RAB27B: variants seen among roughly 807,000 people sequenced by gnomAD.
RAB27B encodes the protein ras-related protein Rab-27B.
Under a neutral mutation model 24.6 loss-of-function variants are expected in RAB27B, and 15 were observed. The ratio of observed to expected loss-of-function variants is 0.61; its 90% CI spans 0.41 to 0.94. The LOEUF (loss-of-function observed/expected upper bound fraction) is 0.94, where lower values mean the gene tolerates loss of function less well. RAB27B is among the 40% of genes least tolerant of loss of function. The pLI, the probability that RAB27B is intolerant of heterozygous loss-of-function variation, is 0.00. For missense variants in RAB27B, 261 were observed against 266.8 expected, an observed-to-expected ratio of 0.98 and a Z score of 0.15; for synonymous variants, 105 against 92.5, an observed-to-expected ratio of 1.14 and a Z score of -0.78.
chr18:54,840,778 A>G (rs1402225977), intron 1 of RAB27B, among the ~76,000 whole-genome samples: 1 of 152,122 alleles, frequency 6.6e-6, no homozygotes, highest in Non-Finnish European at 1.5e-5. Flanking sequence ...TCATTCACCA[A>G]TACTGTCAAC....
intron 2 of RAB27B, among the ~76,000 whole-genome samples, chr18:54,781,382 A>G (rs1275237630): frequency 1.3e-5 from 2 of 152,008 alleles, no homozygotes; most frequent in East Asian, 1.9e-4. Flanking sequence ...GCCAGCTTTC[A>G]TTCTCGGCAG....
intron 2 of RAB27B, among the ~76,000 whole-genome samples, chr18:54,793,292 T>C (rs1197373882): frequency 6.6e-6 from 1 of 152,212 alleles, no homozygotes; most frequent in African/African-American, 2.4e-5. Context: ...TAAAAATATT[T>C]CAACTCCAGT....
chr18:54,843,032 A>G (rs1020248177), intron 1 of RAB27B, among the ~76,000 whole-genome samples: 1 of 152,090 alleles, frequency 6.6e-6, no homozygotes, highest in Non-Finnish European at 1.5e-5. Context: ...TCCTGACCTC[A>G]TGATCCACCC....
chr18:54,873,685 CTGTGTGTGTGTGTGTGTGTGTGTGTGTG>C (rs56409312), intron 1 of RAB27B, among the ~76,000 whole-genome samples: 1 of 140,760 alleles, frequency 7.1e-6, no homozygotes, highest in Non-Finnish European at 1.5e-5. Context: ...GAGCCAAATC[CTGTGTGTGTGTGTGTGTGTGTGTGTGTG>C]TGTGTGTGTG....
At chr18:54,854,619 T>A (rs1006544156) in intron 1 of RAB27B, among the ~76,000 whole-genome samples, 2 of 152,102 alleles carry the variant, frequency 1.3e-5, no homozygotes, top group Non-Finnish European at 2.9e-5. Context: ...ATAATACAGG[T>A]TCTGAGAACT....
rs1309083472 is a variant in RAB27B at position 54,877,857 on chromosome 18, C to T, written c.153+119C>T. ...TTGTCACACGAAATTCATAACCTGT[C>T]ATTTTAATTTATTTTAGAATATTAT... is the stretch of plus-strand genomic sequence containing the variant. On this transcript the variant is annotated intron_variant, in intron 2 of 5. Coordinates refer to ENST00000262094, the MANE Select transcript of RAB27B (RefSeq NM_004163.4). 8 of 1,049,598 alleles carry T rather than the reference C, an allele frequency of 7.6e-6. No homozygotes were observed. In the East Asian group the frequency reaches 2.4e-4, roughly 32 times the overall value. 65.0% of individuals were successfully genotyped at this position (1,049,598 alleles called of 1,614,324 possible). A position where few individuals can be genotyped will look rare whatever the true frequency, so the allele number is the denominator to read the frequency against.
At chr18:54,759,278 C>G (rs1298257011) in intron 2 of RAB27B, among the ~76,000 whole-genome samples, 1 of 152,122 alleles carries the variant, frequency 6.6e-6, no homozygotes, top group Non-Finnish European at 1.5e-5. Flanking sequence ...ATTTTTCTAC[C>G]TTTTGTATCC....
At chr18:54,788,288 T>C (rs1445581421) in intron 2 of RAB27B, among the ~76,000 whole-genome samples, 2 of 152,138 alleles carry the variant, frequency 1.3e-5, no homozygotes, top group African/African-American at 4.8e-5. Flanking sequence ...CTGATTTGTG[T>C]TTTTTGTTGT....
In RAB27B at chr18:54,890,249, C is replaced by G. The variant is rs1913316676; in HGVS notation, c.*836C>G. 2 of 152,118 alleles carry G rather than the reference C, an allele frequency of 1.3e-5. No homozygotes were observed. Among genetic ancestry groups the G allele is most frequent in the Admixed American group, 1.3e-4 (2 of 15,262 alleles). 9.4% of individuals were successfully genotyped at this position (152,118 alleles called of 1,614,324 possible). A position where few individuals can be genotyped will look rare whatever the true frequency, so the allele number is the denominator to read the frequency against. On this transcript the variant is annotated 3_prime_UTR_variant, in exon 6 of 6. Coordinates refer to ENST00000262094, the MANE Select transcript of RAB27B (RefSeq NM_004163.4). Reference sequence around the variant, plus strand: ...ATATTATCAGTTGGAATTAAGAGAACTCCAGAGGTTTCCATTTCAAACAAA... The same window carrying G: ...ATATTATCAGTTGGAATTAAGAGAAGTCCAGAGGTTTCCATTTCAAACAAA...
chr18:54,889,119 A>G, intron 5 of RAB27B, 105 bp from the exon 6 acceptor site: 1 of 1,100,516 alleles, frequency 9.1e-7, no homozygotes, highest in Non-Finnish European at 1.2e-6. Flanking sequence ...ATCATTTCAC[A>G]ATCTCTCAGC....
intron 2 of RAB27B, among the ~76,000 whole-genome samples, chr18:54,755,344 C>T (rs190790730): frequency 3.9e-5 from 6 of 152,166 alleles, no homozygotes; most frequent in East Asian, 1.9e-4. Context: ...GAGCTGAGAT[C>T]GCACCAGTGC....
intron 2 of RAB27B, among the ~76,000 whole-genome samples, chr18:54,724,204 A>G (rs1250009414): frequency 6.6e-6 from 1 of 151,714 alleles, no homozygotes; most frequent in East Asian, 1.9e-4. Context: ...TAAAAATTTT[A>G]GAAGCATCCA....
intron 1 of RAB27B, among the ~76,000 whole-genome samples, chr18:54,866,403 C>T (rs554171302): frequency 6.6e-6 from 1 of 152,368 alleles, no homozygotes; most frequent in African/African-American, 2.4e-5. Context: ...TCAAGCGACT[C>T]TCCTGCCTCA....
intron 2 of RAB27B, among the ~76,000 whole-genome samples, chr18:54,731,060 C>A (rs1224780341): frequency 6.6e-6 from 1 of 152,004 alleles, no homozygotes; most frequent in African/African-American, 2.4e-5. Flanking sequence ...AAATTCATAT[C>A]ACTAAATAAG....
At chr18:54,822,940 A>G (rs1475785846) in intron 2 of RAB27B, among the ~76,000 whole-genome samples, 1 of 152,224 alleles carries the variant, frequency 6.6e-6, no homozygotes, top group Non-Finnish European at 1.5e-5. Flanking sequence ...ATTAGACAAA[A>G]TTACAATAAT....
intron 1 of RAB27B, among the ~76,000 whole-genome samples, chr18:54,832,213 G>A (rs1472064237): frequency 2.6e-5 from 4 of 152,078 alleles, no homozygotes; most frequent in Non-Finnish European, 2.9e-5. Flanking sequence ...CAGAACAGTG[G>A]CCACCAAGAG....
chr18:54,793,272 T>A (rs534614156), intron 2 of RAB27B, among the ~76,000 whole-genome samples: 1 of 152,244 alleles, frequency 6.6e-6, no homozygotes, highest in African/African-American at 2.4e-5. Context: ...AGAAACAGAA[T>A]TCGTTGGATT....
chr18:54,806,037 T>C (rs2145139246), intron 2 of RAB27B, among the ~76,000 whole-genome samples: 1 of 152,290 alleles, frequency 6.6e-6, no homozygotes, highest in Middle Eastern at 3.4e-3. Context: ...TCATGACCCA[T>C]TGTGAAAATA....
At chr18:54,738,203 T>C (rs1021271600) in intron 2 of RAB27B, among the ~76,000 whole-genome samples, 2 of 152,208 alleles carry the variant, frequency 1.3e-5, no homozygotes, top group Non-Finnish European at 2.9e-5. Context: ...CTGACTGCCT[T>C]TGAATACATT....
Sources: gnomAD v4.1 joint callset for allele counts (sites outside exome capture counted in the v4.1 genomes callset) on GRCh38, gnomAD v4.1.1 for gene constraint, MANE v1.5 for transcripts, NCBI Gene and HGNC (gene_info 2026-07-23, HGNC 2026-07-21) for gene names.